Variants in LRP1B observed in about 807,000 individuals in gnomAD.
LRP1B encodes LDL receptor related protein 1B.
In LRP1B, 217 loss-of-function variants were observed where a neutral mutation model predicts 556.6. That is an observed-to-expected ratio of 0.39 (90% CI 0.35 to 0.44). LRP1B has a LOEUF of 0.44. Ranked by LOEUF, LRP1B falls within the 20% of genes least tolerant of loss-of-function variation. The probability of loss-of-function intolerance (pLI) is 1.00; values close to 1 mark genes in which losing one functional copy is unlikely to be tolerated. For missense variants in LRP1B, 5,053 were observed against 5,620.8 expected (o/e 0.90, Z 3.23); for synonymous variants, 2,047 against 1,865.8 (o/e 1.10, Z -2.50).
intron 35 of LRP1B, among the ~76,000 whole-genome samples, chr2:140,750,079 TACACACAC>T (rs59747381): frequency 0.11 from 17,205 of 150,618 alleles, 1,259 homozygotes; most frequent in East Asian, 0.25. Context: ...TGTGCACACG[TACACACAC>T]ACACACACAC....
At chr2:141,294,646 G>A (rs72979299) in intron 3 of LRP1B, among the ~76,000 whole-genome samples, 1 of 151,680 alleles carries the variant, frequency 6.6e-6, no homozygotes, top group Non-Finnish European at 1.5e-5. Flanking sequence ...AGGCTGAGGT[G>A]GGGGGATGGC....
intron 7 of LRP1B, among the ~76,000 whole-genome samples, chr2:141,123,911 G>A (rs1404030405): frequency 6.6e-6 from 1 of 152,076 alleles, no homozygotes; most frequent in Non-Finnish European, 1.5e-5. Context: ...CAAACTTACT[G>A]TGGCACATCT....
chr2:140,784,422 A>ATACACACACAC (rs1559117335), intron 32 of LRP1B, among the ~76,000 whole-genome samples: 1 of 149,076 alleles, frequency 6.7e-6, no homozygotes, highest in Non-Finnish European at 1.5e-5. Flanking sequence ...ACACACACAC[A>ATACACACACAC]AAAGGCTCAG....
rs534734047 is a variant in LRP1B at position 140,594,064 on chromosome 2, A to C, written c.7194+4567T>G. 1.3e-4 allele frequency among the ~76,000 whole-genome samples: 19 copies of C among 151,210 alleles called. No homozygotes were observed. In the South Asian group the frequency reaches 2.9e-3, roughly 23 times the overall value. On this transcript the variant is annotated intron_variant, in intron 43 of 90. Coordinates refer to ENST00000389484, the MANE Select transcript of LRP1B (RefSeq NM_018557.3). ...ATGATGTCGGCTTACTGCAACCTCC[A>C]CCTCCTGGGTTCAAGCGATTCTCCT... is the stretch of plus-strand genomic sequence containing the variant.
At chr2:141,224,422 G>A (rs1008058992) in intron 6 of LRP1B, among the ~76,000 whole-genome samples, 8 of 152,112 alleles carry the variant, frequency 5.3e-5, no homozygotes, top group Admixed American at 1.3e-4. Flanking sequence ...AAGACAGAGT[G>A]GCAATTCCTC....
chr2:141,664,019 G>A (rs1281664496), intron 2 of LRP1B, among the ~76,000 whole-genome samples: 4 of 151,478 alleles, frequency 2.6e-5, no homozygotes, highest in African/African-American at 9.7e-5. Flanking sequence ...ACCAAATCCA[G>A]CAGCACATCA....
intron 35 of LRP1B, among the ~76,000 whole-genome samples, chr2:140,744,199 G>C (rs1200169261): frequency 6.6e-6 from 1 of 151,570 alleles, no homozygotes; most frequent in Non-Finnish European, 1.5e-5. Flanking sequence ...GCATTGCATT[G>C]ATATACATAT....
intron 7 of LRP1B, among the ~76,000 whole-genome samples, chr2:141,154,478 G>A (rs1373569169): frequency 6.6e-6 from 1 of 151,758 alleles, no homozygotes; most frequent in Non-Finnish European, 1.5e-5. Context: ...CGATGTCACA[G>A]CTTCAAATTT....
chr2:140,542,879 C>G (rs1406633516), intron 43 of LRP1B, among the ~76,000 whole-genome samples: 2 of 152,062 alleles, frequency 1.3e-5, no homozygotes, highest in African/African-American at 4.8e-5. Flanking sequence ...GTGTGCGAGC[C>G]AACTCCTCCA....
At chr2:140,829,888 A>G (rs1691655151) in intron 31 of LRP1B, among the ~76,000 whole-genome samples, 1 of 152,014 alleles carries the variant, frequency 6.6e-6, no homozygotes, top group Non-Finnish European at 1.5e-5. Context: ...ATTAAGGAAA[A>G]GAAAGAAAAG....
intron 1 of LRP1B, among the ~76,000 whole-genome samples, chr2:142,119,740 GTCTT>G (rs1032493599): frequency 6.6e-6 from 1 of 151,482 alleles, no homozygotes; most frequent in African/African-American, 2.4e-5. Flanking sequence ...TTCCTCCTTT[GTCTT>G]TCTTTGCCTC....
chr2:140,813,371 T>C (rs1337665829), intron 32 of LRP1B, among the ~76,000 whole-genome samples: 1 of 152,132 alleles, frequency 6.6e-6, no homozygotes, highest in Non-Finnish European at 1.5e-5. Flanking sequence ...AGGACTGGAG[T>C]AGAACACAGA....
At chr2:140,292,218 A>G (rs1033981931) in intron 84 of LRP1B, among the ~76,000 whole-genome samples, 1 of 152,160 alleles carries the variant, frequency 6.6e-6, no homozygotes, top group Non-Finnish European at 1.5e-5. Flanking sequence ...GGCACTTGCA[A>G]ATTTGGACTA....
At chr2:142,109,208 A>T (rs1167688180) in intron 1 of LRP1B, among the ~76,000 whole-genome samples, 1 of 152,222 alleles carries the variant, frequency 6.6e-6, no homozygotes, top group Admixed American at 6.5e-5. Flanking sequence ...AAAGAACATG[A>T]TGACCTTATA....
chr2:141,968,805 C>T (rs1271916642), intron 1 of LRP1B, among the ~76,000 whole-genome samples: 2 of 151,658 alleles, frequency 1.3e-5, no homozygotes, highest in African/African-American at 4.8e-5. Flanking sequence ...TAATTGTTTG[C>T]TATGTCATTT....
chr2:141,114,132 A>C (rs1333919562), intron 7 of LRP1B, among the ~76,000 whole-genome samples: 1 of 152,238 alleles, frequency 6.6e-6, no homozygotes, highest in Non-Finnish European at 1.5e-5. Flanking sequence ...CCATGTGCTC[A>C]AACCCCTTAT....
chr2:140,789,959 T>C (rs991754630), intron 32 of LRP1B, among the ~76,000 whole-genome samples: 3 of 151,994 alleles, frequency 2.0e-5, no homozygotes, highest in African/African-American at 7.2e-5. Context: ...TTTCATCTGC[T>C]TGGTAAGCTC....
chr2:141,888,568 A>T (rs1699192249), intron 1 of LRP1B, among the ~76,000 whole-genome samples: 1 of 152,216 alleles, frequency 6.6e-6, no homozygotes, highest in East Asian at 1.9e-4. Context: ...ATCAAAAACT[A>T]TAGGCTGATA....
intron 43 of LRP1B, among the ~76,000 whole-genome samples, chr2:140,560,942 G>A (rs1463219675): frequency 6.6e-6 from 1 of 152,114 alleles, no homozygotes; most frequent in East Asian, 1.9e-4. Context: ...CAAAAAGAAA[G>A]ATAAATGGGG....
Sources: allele counts gnomAD v4.1 joint callset (sites outside exome capture counted in the v4.1 genomes callset), GRCh38; gene constraint gnomAD v4.1.1; transcripts MANE v1.5; gene names NCBI Gene and HGNC (gene_info 2026-07-23, HGNC 2026-07-21).